TBC1D5: variants seen among roughly 807,000 people sequenced by gnomAD.
TBC1D5 encodes the protein TBC1 domain family, member 5.
A neutral mutation model predicts 100.3 loss-of-function variants in TBC1D5; 75 were observed. The ratio of observed to expected loss-of-function variants is 0.75; its 90% CI spans 0.62 to 0.91. TBC1D5 has a LOEUF of 0.91. Among genes scored for constraint, TBC1D5 ranks in the 40% least tolerant of loss-of-function variants. TBC1D5 has a pLI of 0.00. For missense variants in TBC1D5, 910 were observed against 942.4 expected (o/e 0.97, Z 0.45); for synonymous variants, 323 against 325.6 (o/e 0.99, Z 0.09).
intron 1 of TBC1D5, among the ~76,000 whole-genome samples, chr3:17,641,974 T>C (rs1294335043): frequency 6.6e-6 from 1 of 152,146 alleles, no homozygotes; most frequent in Non-Finnish European, 1.5e-5. Context: ...CAAACAGTAT[T>C]AGATAGTATT....
chr3:17,161,174 C>G (rs1418250985), exon 22 of TBC1D5: 3 of 1,614,146 alleles, frequency 1.9e-6, no homozygotes, highest in Non-Finnish European at 2.5e-6. Flanking sequence ...GCCCCTGGCA[C>G]TGCTCCCATC....
chr3:17,232,515 C>A (rs554180089), intron 17 of TBC1D5, among the ~76,000 whole-genome samples: 2 of 152,212 alleles, frequency 1.3e-5, no homozygotes, highest in South Asian at 4.1e-4. Flanking sequence ...TGCTATTATA[C>A]CCTTCTATTA....
intron 18 of TBC1D5, 81 bp downstream of exon 19, chr3:17,214,126 G>T (rs2073325961): frequency 1.4e-6 from 2 of 1,392,800 alleles, no homozygotes; most frequent in African/African-American, 1.5e-5. Flanking sequence ...TATAAAACTG[G>T]GCACTAACAG....
rs111561681 is a variant in TBC1D5 at position 17,705,955 on chromosome 3, G to A, written c.-101+33388C>T. The A allele has an allele frequency of 5.1e-5, 68 of 1,320,760 alleles. 1 individual carries two copies. In the East Asian group the frequency reaches 1.6e-3, roughly 31 times the overall value. 81.8% of individuals were successfully genotyped at this position (1,320,760 alleles called of 1,614,324 possible). A position where few individuals can be genotyped will look rare whatever the true frequency, so the allele number is the denominator to read the frequency against. ...TCCGCTCCTCCAGCCGCTGCCTCCCGGGCGGCGCTCCTCAGCATTTCTTTA... is the reference window on the plus strand; with the variant it reads ...TCCGCTCCTCCAGCCGCTGCCTCCCAGGCGGCGCTCCTCAGCATTTCTTTA... On this transcript the variant is annotated intron_variant, in intron 1 of 21. Transcript: ENST00000253692.
intron 1 of TBC1D5, among the ~76,000 whole-genome samples, chr3:17,661,787 C>T (rs376463117): frequency 2.1e-4 from 32 of 152,214 alleles, no homozygotes; most frequent in African/African-American, 7.0e-4. Flanking sequence ...CATGAGCCAT[C>T]GCACCTGGCC....
Position 17,701,481 on chromosome 3 carries a change from T to TA in TBC1D5, c.-101+37861dup, listed in dbSNP as rs200846619. 5.3e-5 allele frequency among the ~76,000 whole-genome samples: 8 copies of TA among 151,682 alleles called. No homozygotes were observed. The East Asian group carries it at 9.7e-4, about 18-fold the overall frequency. ...CCTAGAACTTAAAGTATAATAATAA[T>TA]AAAAAAAAGTCTCCTGGGTGGCGCA... On this transcript the variant is annotated intron_variant, in intron 1 of 21. Transcript: ENST00000253692.
chr3:17,502,135 C>G lies in TBC1D5; in HGVS notation c.97+6339G>C, dbSNP rs573153388. Among the ~76,000 whole-genome samples, 89 of 149,584 alleles carry G rather than the reference C, an allele frequency of 5.9e-4. 2 individuals carry two copies. Among genetic ancestry groups the G allele is most frequent in the Non-Finnish European group, 1.1e-3 (78 of 67,884 alleles). On this transcript the variant is annotated intron_variant, in intron 3 of 21. Coordinates refer to ENST00000253692, the Ensembl canonical transcript of TBC1D5. ...TGCCTCTCCTCTATACTTCCAAGACCGCAGAACTCTTCTTCCACTGATTTT... is the reference window on the plus strand; with the variant it reads ...TGCCTCTCCTCTATACTTCCAAGACGGCAGAACTCTTCTTCCACTGATTTT...
chr3:17,486,288 T>C (rs1389663740), intron 3 of TBC1D5, among the ~76,000 whole-genome samples: 2 of 152,196 alleles, frequency 1.3e-5, no homozygotes, highest in Admixed American at 1.3e-4. Context: ...TTTTGTAGGT[T>C]GCCTGTTCAC....
At chr3:17,373,358 T>C (rs971877385) in intron 12 of TBC1D5, among the ~76,000 whole-genome samples, 1 of 152,148 alleles carries the variant, frequency 6.6e-6, no homozygotes, top group Non-Finnish European at 1.5e-5. Flanking sequence ...AAATAAGCCA[T>C]ACTGGAAACA....
chr3:17,600,862 T>A (rs1044476625), intron 2 of TBC1D5, among the ~76,000 whole-genome samples: 8 of 152,338 alleles, frequency 5.3e-5, no homozygotes, highest in East Asian at 3.9e-4. Flanking sequence ...AATCTTTTTT[T>A]AAAATAATCC....
chr3:17,675,507 T>A (rs2068511814), intron 1 of TBC1D5, among the ~76,000 whole-genome samples: 1 of 152,160 alleles, frequency 6.6e-6, no homozygotes, highest in Admixed American at 6.5e-5. Context: ...CTCTTCAACT[T>A]CACTGCAAAC....
chr3:17,702,883 CA>C (rs1268919702), intron 1 of TBC1D5, among the ~76,000 whole-genome samples: 8 of 151,896 alleles, frequency 5.3e-5, no homozygotes, highest in Non-Finnish European at 1.2e-4. Context: ...TAATCATGAA[CA>C]ATTAAAAGTA....
intron 14 of TBC1D5, among the ~76,000 whole-genome samples, chr3:17,293,422 A>G (rs1183380508): frequency 1.3e-5 from 2 of 152,222 alleles, no homozygotes; most frequent in East Asian, 3.8e-4. Context: ...GTAAAGAGGC[A>G]GGAAAATTTT....
At chr3:17,725,899 T>C (rs763756060) in intron 1 of TBC1D5, among the ~76,000 whole-genome samples, 1 of 152,178 alleles carries the variant, frequency 6.6e-6, no homozygotes, top group Admixed American at 6.5e-5. Context: ...CCAGTGTCTG[T>C]TGTTCCCTTC....
intron 13 of TBC1D5, among the ~76,000 whole-genome samples, chr3:17,352,690 A>AAAAAAAAC (rs2090756460): frequency 6.6e-6 from 1 of 150,966 alleles, no homozygotes; most frequent in Non-Finnish European, 1.5e-5. Flanking sequence ...AGGCAAAAAA[A>AAAAAAAAC]AAAAAAAAAC....
At chr3:17,383,798 T>C (rs1184462308) in intron 9 of TBC1D5, 115 bp downstream of exon 9, 1 of 731,938 alleles carries the variant, frequency 1.4e-6, no homozygotes, top group Admixed American at 2.9e-5. Context: ...CTGATTGCTT[T>C]AGCATTATGA....
At chr3:17,674,570 T>C (rs1280017307) in intron 1 of TBC1D5, among the ~76,000 whole-genome samples, 2 of 152,178 alleles carry the variant, frequency 1.3e-5, no homozygotes, top group Non-Finnish European at 1.5e-5. Flanking sequence ...CTATCAACTC[T>C]GATTGGCATA....
intron 1 of TBC1D5, among the ~76,000 whole-genome samples, chr3:17,721,953 G>C (rs890126058): frequency 6.6e-6 from 1 of 152,138 alleles, no homozygotes; most frequent in African/African-American, 2.4e-5. Flanking sequence ...TTGCACTCCA[G>C]CCTGGGCGAC....
At chr3:17,637,842 T>C (rs1157880239) in intron 1 of TBC1D5, among the ~76,000 whole-genome samples, 1 of 152,178 alleles carries the variant, frequency 6.6e-6, no homozygotes, top group Non-Finnish European at 1.5e-5. Context: ...TAAATGCACT[T>C]AATCTTTGAC....
Sources: allele counts gnomAD v4.1 joint callset (sites outside exome capture counted in the v4.1 genomes callset), GRCh38; gene constraint gnomAD v4.1.1; transcripts MANE v1.5; gene names NCBI Gene and HGNC (gene_info 2026-07-23, HGNC 2026-07-21).